Variants in CTNNA2 observed in about 807,000 individuals in gnomAD.
CTNNA2 encodes catenin alpha-2.
A neutral mutation model predicts 101.0 loss-of-function variants in CTNNA2; 42 were observed. The observed-to-expected ratio is 0.42, with a 90% confidence interval of 0.32 to 0.54. The LOEUF is 0.54. Among genes scored for constraint, CTNNA2 ranks in the 20% least tolerant of loss-of-function variants. The pLI is 0.14. For missense variants in CTNNA2, 871 were observed against 1,223.1 expected (o/e 0.71, Z 4.29); for synonymous variants, 450 against 456.4 (o/e 0.99, Z 0.18).
At position 80,242,447 on chromosome 2, in the gene CTNNA2, T is replaced by A. The variant is rs1469872738; in HGVS notation, c.1057-150764T>A. ...CAGGCTGGCAGGCTGACTCCTCTGT[T>A]GGAGCTGGGAGAGTCCTGCTTCAAT... On this transcript the variant is annotated intron_variant, in intron 7 of 18. Coordinates refer to ENST00000402739, the MANE Select transcript of CTNNA2 (RefSeq NM_001282597.3). Among the ~76,000 whole-genome samples the A allele has an allele frequency of 2.6e-5, 4 of 152,204 alleles. No individual in the cohort carries two copies. The South Asian group carries it at 8.3e-4, about 31-fold the overall frequency.
chr2:79,931,375 C>T (rs7597296), intron 7 of CTNNA2, among the ~76,000 whole-genome samples: 3 of 152,000 alleles, frequency 2.0e-5, no homozygotes, highest in African/African-American at 2.4e-5. Context: ...TCCCCTTTAC[C>T]CCATTATCCC....
At chr2:80,597,403 C>T (rs948929678) in intron 15 of CTNNA2, among the ~76,000 whole-genome samples, 2 of 152,126 alleles carry the variant, frequency 1.3e-5, no homozygotes, top group Admixed American at 1.3e-4. Flanking sequence ...CCATTCAGGA[C>T]ATAGGCGTGG....
At chr2:79,786,930 C>T (rs1375248711) in intron 3 of CTNNA2, among the ~76,000 whole-genome samples, 2 of 152,066 alleles carry the variant, frequency 1.3e-5, no homozygotes, top group Non-Finnish European at 2.9e-5. Flanking sequence ...TTTTTGTCTT[C>T]AGGACATTGA....
intron 4 of CTNNA2, among the ~76,000 whole-genome samples, chr2:79,860,553 T>TTTTTTTTTTG (rs1681533463): frequency 6.7e-6 from 1 of 149,808 alleles, no homozygotes; most frequent in Non-Finnish European, 1.5e-5. Flanking sequence ...GAAGTTTTTT[T>TTTTTTTTTTG]TTTTTTTTTT....
At chr2:80,578,007 T>C (rs1279514401) in intron 13 of CTNNA2, among the ~76,000 whole-genome samples, 1 of 152,208 alleles carries the variant, frequency 6.6e-6, no homozygotes, top group Non-Finnish European at 1.5e-5. Context: ...TTCAATACTT[T>C]CTCACTTTGT....
At chr2:79,391,049 C>T (rs1678166578) in intron 4 of CTNNA2, among the ~76,000 whole-genome samples, 1 of 152,056 alleles carries the variant, frequency 6.6e-6, no homozygotes, top group Admixed American at 6.5e-5. Context: ...GGTTCTGATC[C>T]CCACTTTGGT....
rs1343772317 is a variant in CTNNA2 at position 80,285,227 on chromosome 2, G to T, written c.1057-107984G>T. 2.6e-5 allele frequency among the ~76,000 whole-genome samples: 4 copies of T among 152,162 alleles called. No homozygotes were observed. The East Asian group carries it at 7.7e-4, about 29-fold the overall frequency. On this transcript the variant is annotated intron_variant, in intron 7 of 18. Transcript: ENST00000402739. The stretch of plus-strand genomic sequence containing the variant: ...GAAGAAGGTGGGGAATGGCAATTGA[G>T]TAGATTGCCAGTAGCATCTACCACA...
At chr2:79,902,295 C>G (rs546043190) in intron 6 of CTNNA2, among the ~76,000 whole-genome samples, 26 of 152,256 alleles carry the variant, frequency 1.7e-4, no homozygotes, top group African/African-American at 6.0e-4. Context: ...ATCCCAATTC[C>G]AGCCCTGCTC....
chr2:79,811,487 A>C (rs1321741395), intron 3 of CTNNA2, among the ~76,000 whole-genome samples: 1 of 152,062 alleles, frequency 6.6e-6, no homozygotes, highest in Non-Finnish European at 1.5e-5. Context: ...CTGTCCACTC[A>C]GATGGTAGTT....
chr2:80,512,878 C>T (rs1421976660), intron 9 of CTNNA2, among the ~76,000 whole-genome samples: 2 of 151,810 alleles, frequency 1.3e-5, no homozygotes, highest in Admixed American at 6.6e-5. Context: ...TTTGGAGGGC[C>T]GTTGTAATCT....
chr2:80,412,003 C>G (rs527498348), intron 8 of CTNNA2, among the ~76,000 whole-genome samples: 1 of 152,264 alleles, frequency 6.6e-6, no homozygotes, highest in South Asian at 2.1e-4. Flanking sequence ...CTTCCACTAG[C>G]CTCTCCTTTG....
chr2:79,949,538 C>T (rs1464273214), intron 7 of CTNNA2, among the ~76,000 whole-genome samples: 1 of 152,128 alleles, frequency 6.6e-6, no homozygotes, highest in Non-Finnish European at 1.5e-5. Context: ...GAGGCAAAGG[C>T]AGGAGGATCA....
intron 6 of CTNNA2, among the ~76,000 whole-genome samples, chr2:79,878,355 T>G (rs1241607792): frequency 2.0e-5 from 3 of 152,198 alleles, no homozygotes; most frequent in African/African-American, 7.2e-5. Flanking sequence ...CTGGGTCTAA[T>G]GGTATTTCTG....
chr2:79,419,189 A>G (rs953618560), intron 4 of CTNNA2, among the ~76,000 whole-genome samples: 1 of 152,146 alleles, frequency 6.6e-6, no homozygotes. Context: ...TTGTGACCTT[A>G]GGCAATTTAT....
At chr2:80,637,156 A>G (rs969265157) in intron 18 of CTNNA2, among the ~76,000 whole-genome samples, 1 of 152,156 alleles carries the variant, frequency 6.6e-6, no homozygotes. Context: ...TTTTAAGACC[A>G]TGTTTGGACT....
intron 1 of CTNNA2, among the ~76,000 whole-genome samples, chr2:79,599,369 A>C (rs1677402574): frequency 6.6e-6 from 1 of 152,188 alleles, no homozygotes; most frequent in Non-Finnish European, 1.5e-5. Flanking sequence ...AATATGAATA[A>C]ATATTTAGTC....
In CTNNA2 at chr2:80,494,520, C is replaced by CA. The variant is rs544115840; in HGVS notation, c.1291-50454dup. On this transcript the variant is annotated intron_variant, in intron 9 of 18. Transcript: ENST00000402739. ...ACATAGATTTTTTTTTCTCTTAATT[C>CA]AAAAAAAATAGAACAGAGGATTCTT... is the stretch of plus-strand genomic sequence containing the variant. Among the ~76,000 whole-genome samples the CA allele has an allele frequency of 2.0e-4, 30 of 149,676 alleles. No individual in the cohort carries two copies. The South Asian group carries it at 3.6e-3, about 18-fold the overall frequency.
intron 3 of CTNNA2, among the ~76,000 whole-genome samples, chr2:79,803,334 C>G (rs1676314042): frequency 6.6e-6 from 1 of 152,156 alleles, no homozygotes; most frequent in Non-Finnish European, 1.5e-5. Flanking sequence ...AGGGGTCTCC[C>G]AGCCTTCAGA....
At chr2:80,039,630 C>T (rs1274160050) in intron 7 of CTNNA2, among the ~76,000 whole-genome samples, 1 of 152,200 alleles carries the variant, frequency 6.6e-6, no homozygotes, top group Non-Finnish European at 1.5e-5. Flanking sequence ...GTCCTAAACG[C>T]TGAGACTGCT....
Sources: allele counts gnomAD v4.1 joint callset (sites outside exome capture counted in the v4.1 genomes callset), GRCh38; gene constraint gnomAD v4.1.1; transcripts MANE v1.5; gene names NCBI Gene and HGNC (gene_info 2026-07-23, HGNC 2026-07-21).